ZDHHC17: variants seen among roughly 807,000 people sequenced by gnomAD.
The protein encoded by ZDHHC17 is zDHHC palmitoyltransferase 17, also known as palmitoyltransferase ZDHHC17.
Under a neutral mutation model 90.3 loss-of-function variants are expected in ZDHHC17, and 40 were observed. That is an observed-to-expected ratio of 0.44 (90% CI 0.34 to 0.58). The LOEUF is 0.58. Ranked by LOEUF, ZDHHC17 falls within the 20% of genes least tolerant of loss-of-function variation. ZDHHC17 has a pLI of 0.01. For missense variants in ZDHHC17, 614 were observed against 780.8 expected (o/e 0.79, Z 2.55); for synonymous variants, 235 against 252.4 (o/e 0.93, Z 0.65).
intron 15 of ZDHHC17, among the ~76,000 whole-genome samples, chr12:76,848,628 C>A (rs1351026671): frequency 1.3e-5 from 2 of 152,142 alleles, no homozygotes; most frequent in Non-Finnish European, 2.9e-5. Flanking sequence ...GACTTAAATA[C>A]ATCCAGTTGA....
In ZDHHC17 at chr12:76,849,389, G is replaced by A; in HGVS notation, c.1679G>A (p.Gly560Asp). ...CTTTCCTCTTAGATATCATGTTTAG[G>A]TATTACTACAAATGAAAGAATGAAT... is the stretch of plus-strand genomic sequence containing the variant. ...MCQMYQISCL[G>D]ITTNERMNAR... The change falls in exon 16 of 17, where the codon GGT (glycine) becomes GAT (aspartate). Residue 560 changes from glycine to aspartate, a missense_variant. This residue lies in a region of ZDHHC17 where 111 missense variants were observed against 179.8 expected (regional missense o/e 0.62). Transcript: ENST00000426126. 6.6e-7 allele frequency: 1 copy of A among 1,508,646 alleles called. No homozygotes were observed. Among genetic ancestry groups the A allele is most frequent in the Non-Finnish European group, 9.0e-7 (1 of 1,116,508 alleles). The allele number at this position is 1,508,646 out of a possible 1,614,324, so 93.5% of individuals were successfully genotyped here.
chr12:76,764,578 T>G (rs1592451807), intron 1 of ZDHHC17: 1 of 559,888 alleles, frequency 1.8e-6, no homozygotes, highest in Non-Finnish European at 3.2e-6. Context: ...GAGGTGGAGG[T>G]GTTGATGGTT....
chr12:76,774,324 A>G (rs1258876116), intron 1 of ZDHHC17, among the ~76,000 whole-genome samples: 2 of 151,496 alleles, frequency 1.3e-5, no homozygotes, highest in Non-Finnish European at 2.9e-5. Flanking sequence ...ACACACACAT[A>G]TATATACATA....
intron 9 of ZDHHC17, among the ~76,000 whole-genome samples, chr12:76,827,863 T>C (rs548236259): frequency 1.3e-5 from 2 of 152,174 alleles, no homozygotes; most frequent in African/African-American, 4.8e-5. Context: ...AATAAATGGA[T>C]TAATGTTTGT....
At chr12:76,821,188 T>C in intron 7 of ZDHHC17, 1 of 1,232,180 alleles carries the variant, frequency 8.1e-7, no homozygotes, top group South Asian at 1.4e-5. Context: ...TAGTTTGGAT[T>C]AATTAGCTGG....
chr12:76,777,529 T>G (rs188991651), intron 1 of ZDHHC17, among the ~76,000 whole-genome samples: 1 of 152,208 alleles, frequency 6.6e-6, no homozygotes, highest in Admixed American at 6.5e-5. Flanking sequence ...ACATAAATTT[T>G]GATTCTTCTG....
intron 1 of ZDHHC17, among the ~76,000 whole-genome samples, chr12:76,765,087 CTA>C (rs1482426547): frequency 6.6e-6 from 1 of 152,182 alleles, no homozygotes; most frequent in Non-Finnish European, 1.5e-5. Flanking sequence ...TGAGCTAGTG[CTA>C]GTTAAGGCTT....
chr12:76,769,476 C>G (rs760994935), intron 1 of ZDHHC17, among the ~76,000 whole-genome samples: 1 of 152,068 alleles, frequency 6.6e-6, no homozygotes, highest in Non-Finnish European at 1.5e-5. Context: ...TAAGGTAATT[C>G]ATTTGCTTTC....
intron 8 of ZDHHC17, among the ~76,000 whole-genome samples, chr12:76,823,991 C>T (rs1458031515): frequency 6.6e-6 from 1 of 151,814 alleles, no homozygotes; most frequent in Non-Finnish European, 1.5e-5. Flanking sequence ...GATAATTAGG[C>T]TAGTAAAAAA....
chr12:76,819,513 T>G (rs967742128), intron 7 of ZDHHC17, among the ~76,000 whole-genome samples: 1 of 152,144 alleles, frequency 6.6e-6, no homozygotes, highest in Non-Finnish European at 1.5e-5. Context: ...AAATTACGCT[T>G]TGTGTTATAA....
chr12:76,767,809 C>T (rs1302579669), intron 1 of ZDHHC17, among the ~76,000 whole-genome samples: 1 of 152,100 alleles, frequency 6.6e-6, no homozygotes, highest in Non-Finnish European at 1.5e-5. Context: ...ATCCCAGCTC[C>T]TCAGGAGGCT....
chr12:76,814,558 A>G (rs781167679), intron 5 of ZDHHC17, among the ~76,000 whole-genome samples: 1 of 151,974 alleles, frequency 6.6e-6, no homozygotes, highest in Non-Finnish European at 1.5e-5. Context: ...ATCAAGAAGT[A>G]GCAATTCAAA....
rs1953569053 is a variant in ZDHHC17, at chr12:76,851,635, C to T, written c.*650C>T. The stretch of plus-strand genomic sequence containing the variant: ...AGTGAAATAATTTGTAGTAACCTTA[C>T]TCTGAGGTTTTACGGTCTGATAATG... On this transcript the variant is annotated 3_prime_UTR_variant, in exon 17 of 17. Transcript: ENST00000426126. 6.5e-6 allele frequency: 1 copy of T among 152,676 alleles called. No individual in the cohort carries two copies. The highest frequency in any genetic ancestry group is 1.9e-4 in the East Asian group (1 of 5,204). 9.5% of individuals were successfully genotyped at this position (152,676 alleles called of 1,614,324 possible).
At chr12:76,847,583 T>A (rs1404651380) in intron 14 of ZDHHC17, among the ~76,000 whole-genome samples, 2 of 152,202 alleles carry the variant, frequency 1.3e-5, no homozygotes, top group Admixed American at 6.5e-5. Flanking sequence ...CTGGGCATGG[T>A]GGCTCATTGC....
At chr12:76,828,638 A>G in intron 10 of ZDHHC17, 148 bp downstream of exon 10, 1 of 610,166 alleles carries the variant, frequency 1.6e-6, no homozygotes. Flanking sequence ...AATATAAGTA[A>G]TGTTTTTAAA....
At chr12:76,825,727 G>T (rs1213340125) in intron 8 of ZDHHC17, among the ~76,000 whole-genome samples, 1 of 152,034 alleles carries the variant, frequency 6.6e-6, no homozygotes, top group Non-Finnish European at 1.5e-5. Flanking sequence ...AGTATGAAAG[G>T]GGTGCTAAAA....
At chr12:76,826,045 T>C (rs1953226263) in intron 8 of ZDHHC17, among the ~76,000 whole-genome samples, 1 of 152,112 alleles carries the variant, frequency 6.6e-6, no homozygotes, top group Non-Finnish European at 1.5e-5. Flanking sequence ...CCTACAACTC[T>C]TGGGCTCAAG....
At chr12:76,845,662 C>A in intron 12 of ZDHHC17, 47 bp from the exon 13 acceptor site, 1 of 846,884 alleles carries the variant, frequency 1.2e-6, no homozygotes, top group Non-Finnish European at 1.8e-6. Flanking sequence ...CAGCTTTTCT[C>A]TCTTAGTATA....
At chr12:76,774,297 A>T (rs2137714848) in intron 1 of ZDHHC17, among the ~76,000 whole-genome samples, 2 of 83,360 alleles carry the variant, frequency 2.4e-5, no homozygotes, top group South Asian at 7.5e-4. Flanking sequence ...TATGTGTGTA[A>T]ATATATATAT....
Sources: gnomAD v4.1 joint callset for allele counts (sites outside exome capture counted in the v4.1 genomes callset) on GRCh38, gnomAD v4.1.1 for gene constraint, gnomAD v4.1.1 regional missense constraint, MANE v1.5 for transcripts, NCBI Gene and HGNC (gene_info 2026-07-23, HGNC 2026-07-21) for gene names.